BTF3: variants seen among roughly 807,000 people sequenced by gnomAD.
BTF3 encodes the protein transcription factor BTF3.
Under a neutral mutation model 23.9 loss-of-function variants are expected in BTF3, and 12 were observed. The ratio of observed to expected loss-of-function variants is 0.50; its 90% confidence interval spans 0.32 to 0.81. BTF3 has a LOEUF of 0.81. Ranked by LOEUF, BTF3 falls within the 40% of genes least tolerant of loss-of-function variation. The pLI is 0.03. For missense variants in BTF3, 215 were observed against 255.9 expected, an observed-to-expected ratio of 0.84 and a Z score of 1.09; for synonymous variants, 96 against 94.8, an observed-to-expected ratio of 1.01 and a Z score of -0.07.
chr5:73,502,451 A>C (rs1029418464), intron 2 of BTF3, 37 bp from the exon 3 acceptor site: 1 of 1,421,140 alleles, frequency 7.0e-7, no homozygotes. Flanking sequence ...TTGTGGTATA[A>C]ATGTGCTGTT....
chr5:73,501,984 A>G (rs1746446664), intron 2 of BTF3, among the ~76,000 whole-genome samples: 1 of 152,112 alleles, frequency 6.6e-6, no homozygotes, highest in Non-Finnish European at 1.5e-5. Context: ...CCTGGCCAAC[A>G]TGGTGAAACC....
chr5:73,499,680 A>AGTGACT (rs3217589), intron 2 of BTF3: 7,918 of 213,758 alleles, frequency 0.037, 468 homozygotes, highest in East Asian at 0.17. Flanking sequence ...GTTTAAGAGC[A>AGTGACT]GTGACTATTA....
Position 73,505,185 on chromosome 5 carries a change from T to G in BTF3, c.575-7T>G. 1 of 1,608,552 alleles carries G rather than the reference T, an allele frequency of 6.2e-7. No homozygotes were observed. Among genetic ancestry groups the G allele is most frequent in the Non-Finnish European group, 8.5e-7 (1 of 1,178,716 alleles). ...TTTAAGAATTTCTACTCTTTTCCTT[T>G]TCCTAGATCTTGTGGAGAATTTTGA... is the stretch of plus-strand genomic sequence containing the variant. On this transcript the variant is annotated splice_region_variant and splice_polypyrimidine_tract_variant and intron_variant, in intron 5 of 5. Transcript: ENST00000380591.
At chr5:73,502,741 A>G (rs1746467806) in intron 3 of BTF3, 140 bp downstream of exon 3, 2 of 833,620 alleles carry the variant, frequency 2.4e-6, no homozygotes, top group Non-Finnish European at 3.7e-6. Flanking sequence ...ATAAATTAAT[A>G]AATATCAGGG....
intron 2 of BTF3, chr5:73,499,602 C>G: frequency 3.1e-6 from 1 of 321,462 alleles, no homozygotes. Flanking sequence ...GTACTGCTTT[C>G]TGAACTAAAT....
rs772853105 is a variant in BTF3, at chr5:73,498,657, A to G, written c.-11A>G. The stretch of plus-strand genomic sequence containing the variant: ...ACAGGGAGGGACAGGGCAGAGGAGG[A>G]GAGGAAGGCGATGCGACGGACAGGC... On this transcript the variant is annotated 5_prime_UTR_variant, in exon 1 of 6. Coordinates refer to ENST00000380591, the MANE Select transcript of BTF3 (RefSeq NM_001037637.2). The G allele has an allele frequency of 6.7e-7, 1 of 1,501,262 alleles. No homozygotes were observed. The highest frequency in any genetic ancestry group is 8.8e-7 in the Non-Finnish European group (1 of 1,134,360). 93.0% of individuals were successfully genotyped at this position (1,501,262 alleles called of 1,614,324 possible).
intron 2 of BTF3, 158 bp downstream of exon 2, chr5:73,499,360 G>A: frequency 1.3e-6 from 1 of 779,272 alleles, no homozygotes; most frequent in Non-Finnish European, 2.2e-6. Context: ...GGGAGACGAG[G>A]GTTGGAGACA....
intron 2 of BTF3, among the ~76,000 whole-genome samples, chr5:73,500,816 C>G (rs1166975390): frequency 6.6e-6 from 1 of 152,018 alleles, no homozygotes; most frequent in Non-Finnish European, 1.5e-5. Flanking sequence ...TCTTTACAAT[C>G]TTAGAAATTC....
chr5:73,498,650 G>T lies in BTF3; in HGVS notation c.-18G>T. The T allele has an allele frequency of 6.7e-7, 1 of 1,497,848 alleles. No homozygotes were observed. The highest frequency in any genetic ancestry group is 8.8e-7 in the Non-Finnish European group (1 of 1,133,144). The allele number at this position is 1,497,848 out of a possible 1,614,324, so 92.8% of individuals were successfully genotyped here. A position where few individuals can be genotyped will look rare whatever the true frequency, so the allele number is the denominator to read the frequency against. ...GAGCGAGACAGGGAGGGACAGGGCA[G>T]AGGAGGAGAGGAAGGCGATGCGACG... is the stretch of plus-strand genomic sequence containing the variant. On this transcript the variant is annotated 5_prime_UTR_variant, in exon 1 of 6. Transcript: ENST00000380591.
intron 5 of BTF3, among the ~76,000 whole-genome samples, 166 bp from the exon 6 acceptor site, chr5:73,505,026 G>A (rs1746524471): frequency 8.0e-6 from 1 of 124,734 alleles, no homozygotes; most frequent in South Asian, 2.9e-4. Context: ...GAAGAGGGGG[G>A]CATTTTTTTC....
chr5:73,502,662 T>C, intron 3 of BTF3, 61 bp downstream of exon 3: 1 of 1,172,324 alleles, frequency 8.5e-7, no homozygotes, highest in African/African-American at 2.1e-5. Context: ...TTAACGTTAA[T>C]GCATTAAATG....
intron 5 of BTF3, chr5:73,504,694 A>G (rs569869806): frequency 1.7e-5 from 4 of 229,932 alleles, no homozygotes; most frequent in South Asian, 1.1e-4. Flanking sequence ...GCAGAGCACT[A>G]ATGACCCTTG....
At chr5:73,503,684 T>C (rs1346097522) in intron 4 of BTF3, among the ~76,000 whole-genome samples, 2 of 152,226 alleles carry the variant, frequency 1.3e-5, no homozygotes, top group Admixed American at 1.3e-4. Context: ...TATGGCTCTT[T>C]AGTTACCCAT....
chr5:73,504,604 C>A, intron 5 of BTF3: 1 of 422,730 alleles, frequency 2.4e-6, no homozygotes, highest in Non-Finnish European at 4.2e-6. Flanking sequence ...GTTTGGGATC[C>A]CAAGGATGTG....
Position 73,505,326 on chromosome 5 carries a change from T to G in BTF3, c.*88T>G, listed in dbSNP as rs1239105125. ...GACTGCTTTTTAAGAAATTTTTGTT[T>G]ATGGATCTGATAAAATCTAGATCTC... On this transcript the variant is annotated 3_prime_UTR_variant, in exon 6 of 6. Coordinates refer to ENST00000380591, the MANE Select transcript of BTF3 (RefSeq NM_001037637.2). 1.7e-6 allele frequency: 2 copies of G among 1,202,566 alleles called. No individual in the cohort carries two copies. The highest frequency in any genetic ancestry group is 2.8e-4 in the Middle Eastern group (1 of 3,550). 74.5% of individuals were successfully genotyped at this position (1,202,566 alleles called of 1,614,324 possible). A position where few individuals can be genotyped will look rare whatever the true frequency, so the allele number is the denominator to read the frequency against.
Position 73,505,197 on chromosome 5 carries a change from G to A in BTF3, c.580G>A (p.Val194Met). Reference protein sequence around the residue: ...EDDDDEVPDLVENFDEASKNE... With the variant: ...EDDDDEVPDLMENFDEASKNE... The stretch of plus-strand genomic sequence containing the variant: ...TACTCTTTTCCTTTTCCTAGATCTT[G>A]TGGAGAATTTTGATGAGGCTTCCAA... Residue 194 changes from valine (V) to methionine (M), a missense_variant, in exon 6 of 6, where the codon GTG becomes ATG. Physicochemically the swap from Val to Met is conservative, Grantham distance 21 (BLOSUM62 1). This residue lies in a region of BTF3 where 99 missense variants were observed against 171.2 expected (regional missense o/e 0.58). Transcript: ENST00000380591. 6.2e-7 allele frequency: 1 copy of A among 1,609,620 alleles called. No homozygotes were observed. Among genetic ancestry groups the A allele is most frequent in the Non-Finnish European group, 8.5e-7 (1 of 1,179,148 alleles).
At position 73,505,249 on chromosome 5, in the gene BTF3, C is replaced by T; in HGVS notation, c.*11C>T. 6.2e-7 allele frequency: 1 copy of T among 1,607,660 alleles called. No individual in the cohort carries two copies. Among genetic ancestry groups the T allele is most frequent in the South Asian group, 1.1e-5 (1 of 90,504 alleles). Reference sequence around the variant, plus strand: ...AATGAGGCAAACTGAATTGAGTCAACTTCTGAAGATAAAACCTGAAGAAGT... The same window carrying T: ...AATGAGGCAAACTGAATTGAGTCAATTTCTGAAGATAAAACCTGAAGAAGT... On this transcript the variant is annotated 3_prime_UTR_variant, in exon 6 of 6. Coordinates refer to ENST00000380591, the MANE Select transcript of BTF3 (RefSeq NM_001037637.2).
intron 2 of BTF3, among the ~76,000 whole-genome samples, chr5:73,501,206 C>T (rs1746428082): frequency 6.6e-6 from 1 of 151,972 alleles, no homozygotes; most frequent in South Asian, 2.1e-4. Context: ...TTAGGAAAGG[C>T]AAACAGGAGG....
Position 73,502,909 on chromosome 5 carries a change from T to A in BTF3, c.316-7T>A. Reference sequence around the variant, plus strand: ...ATTGCTAATTTAAATTTTTCTTTTCTTAATAGGTGAATATGTTTACAAACC... The same window carrying A: ...ATTGCTAATTTAAATTTTTCTTTTCATAATAGGTGAATATGTTTACAAACC... On this transcript the variant is annotated splice_region_variant and splice_polypyrimidine_tract_variant and intron_variant, in intron 3 of 5. Coordinates refer to ENST00000380591, the MANE Select transcript of BTF3 (RefSeq NM_001037637.2). 1 of 1,611,356 alleles carries A rather than the reference T, an allele frequency of 6.2e-7. No individual in the cohort carries two copies. Among genetic ancestry groups the A allele is most frequent in the South Asian group, 1.1e-5 (1 of 90,988 alleles).
Sources: allele counts gnomAD v4.1 joint callset (sites outside exome capture counted in the v4.1 genomes callset), GRCh38; gene constraint gnomAD v4.1.1; regional missense constraint gnomAD v4.1.1; transcripts MANE v1.5; gene names NCBI Gene and HGNC (gene_info 2026-07-23, HGNC 2026-07-21).